Variants in CDH18 observed in about 807,000 individuals in gnomAD.
CDH18 encodes the protein cadherin 18, also known as cadherin-18.
CDH18 carries 31 observed loss-of-function variants against 67.9 expected under a neutral mutation model. That is an observed-to-expected ratio of 0.46 (90% CI 0.34 to 0.62). CDH18 has a LOEUF of 0.62. CDH18 is among the 20% of genes least tolerant of loss of function. The pLI is 0.01. For synonymous variants in CDH18, 362 were observed against 347.2 expected, an observed-to-expected ratio of 1.04 and a Z score of -0.48; for missense variants, 890 against 975.5, an observed-to-expected ratio of 0.91 and a Z score of 1.17.
At chr5:20,532,963 G>A (rs1337018720) in intron 1 of CDH18, among the ~76,000 whole-genome samples, 11 of 150,966 alleles carry the variant, frequency 7.3e-5, no homozygotes, top group Non-Finnish European at 1.5e-4. Context: ...CAACTCCTAT[G>A]CTGAAGTCCT....
chr5:20,007,682 TG>T, intron 2 of CDH18, among the ~76,000 whole-genome samples: 1 of 129,438 alleles, frequency 7.7e-6, no homozygotes, highest in African/African-American at 3.5e-5. Flanking sequence ...AGTGTGTGTG[TG>T]TGTGTGTGTG....
intron 2 of CDH18, among the ~76,000 whole-genome samples, chr5:20,148,639 A>T (rs1750857693): frequency 6.6e-6 from 1 of 152,054 alleles, no homozygotes. Flanking sequence ...AGCTTAAAGA[A>T]CTGAGTTTCT....
At chr5:19,946,169 T>TA (rs780617368) in intron 2 of CDH18, among the ~76,000 whole-genome samples, 1 of 152,110 alleles carries the variant, frequency 6.6e-6, no homozygotes. Context: ...ATATCTAATC[T>TA]AAAGCCATCG....
At chr5:19,982,317 C>A (rs563270034) in intron 1 of CDH18, among the ~76,000 whole-genome samples, 1 of 152,114 alleles carries the variant, frequency 6.6e-6, no homozygotes, top group East Asian at 1.9e-4. Context: ...AATTATATCA[C>A]ATTAGTAAAA....
intron 8 of CDH18, among the ~76,000 whole-genome samples, chr5:19,548,122 C>A (rs1736660145): frequency 6.6e-6 from 1 of 151,742 alleles, no homozygotes; most frequent in Non-Finnish European, 1.5e-5. Context: ...GTTTCATAAG[C>A]CCTAAGTAAA....
chr5:20,057,812 T>C (rs1742123995), intron 2 of CDH18, among the ~76,000 whole-genome samples: 1 of 152,124 alleles, frequency 6.6e-6, no homozygotes, highest in Non-Finnish European at 1.5e-5. Flanking sequence ...CTTTAAATAA[T>C]AAATAAAGAC....
intron 2 of CDH18, among the ~76,000 whole-genome samples, chr5:20,032,532 T>A (rs189928502): frequency 1.6e-3 from 243 of 152,210 alleles, no homozygotes; most frequent in African/African-American, 5.6e-3. Flanking sequence ...TACTTTGTTG[T>A]GTGAATCTCG....
At chr5:19,601,832 G>C (rs1010179780) in intron 6 of CDH18, among the ~76,000 whole-genome samples, 5 of 150,818 alleles carry the variant, frequency 3.3e-5, no homozygotes, top group Admixed American at 3.3e-4. Flanking sequence ...TCCATTAACA[G>C]AATAAAGAAA....
At position 19,838,852 on chromosome 5, in the gene CDH18, G is replaced by A. The variant is rs766419800; in HGVS notation, c.135C>T (p.Thr45=). The A allele has an allele frequency of 6.7e-5, 108 of 1,613,880 alleles. 2 individuals carry two copies. The South Asian group carries it at 9.6e-4, about 14-fold the overall frequency. The change falls in exon 3 of 13, where the codon ACC becomes ACT. Residue 45 remains threonine (T), a synonymous_variant. Coordinates refer to ENST00000382275, the MANE Select transcript of CDH18 (RefSeq NM_004934.5). Reference sequence around the variant, plus strand: ...CCCTTTTGGGACGATGATGGACTTCGGTTTCACCTTCAATGTGTTTGGTTT... The same window carrying A: ...CCCTTTTGGGACGATGATGGACTTCAGTTTCACCTTCAATGTGTTTGGTTT... The part of the protein sequence containing the change: ...RNQTKHIEGE[T]EVHHRPKRGW...
intron 2 of CDH18, among the ~76,000 whole-genome samples, chr5:19,897,428 T>C (rs1414979737): frequency 6.6e-6 from 1 of 152,124 alleles, no homozygotes; most frequent in East Asian, 1.9e-4. Context: ...CATAATACTA[T>C]ACATTAGTCA....
At chr5:19,772,282 T>C (rs1344840278) in intron 3 of CDH18, among the ~76,000 whole-genome samples, 1 of 152,152 alleles carries the variant, frequency 6.6e-6, no homozygotes, top group Non-Finnish European at 1.5e-5. Flanking sequence ...TAGGCTTTGC[T>C]GATGTGAGTA....
In CDH18 at chr5:20,042,449, T is replaced by C. The variant is rs76969131; in HGVS notation, c.-517-50435A>G. On this transcript the variant is annotated intron_variant, in intron 2 of 14. Coordinates refer to the CDH18 transcript ENST00000507958. ...GCAACAATCCTGGAAAAAGACATAC[T>C]TCAAATCATATAAAATACATTTCTG... 3.0e-4 allele frequency among the ~76,000 whole-genome samples: 46 copies of C among 152,314 alleles called. 1 individual carries two copies. In the East Asian group the frequency reaches 8.9e-3, roughly 29 times the overall value.
intron 1 of CDH18, among the ~76,000 whole-genome samples, chr5:20,292,607 G>C (rs1200843896): frequency 2.6e-5 from 4 of 152,170 alleles, no homozygotes; most frequent in African/African-American, 7.2e-5. Flanking sequence ...CTGGAGGCCA[G>C]AGTCTGATTT....
At chr5:19,671,598 T>G (rs1364438969) in intron 5 of CDH18, among the ~76,000 whole-genome samples, 1 of 152,116 alleles carries the variant, frequency 6.6e-6, no homozygotes, top group Non-Finnish European at 1.5e-5. Context: ...GTTACATCAT[T>G]TTGACATGGG....
intron 1 of CDH18, among the ~76,000 whole-genome samples, chr5:20,361,775 A>G (rs1742108169): frequency 6.6e-6 from 1 of 152,142 alleles, no homozygotes; most frequent in Non-Finnish European, 1.5e-5. Flanking sequence ...TCATCTAACA[A>G]CATTTACACA....
chr5:19,519,554 C>A (rs1452487248), intron 10 of CDH18, among the ~76,000 whole-genome samples: 1 of 152,168 alleles, frequency 6.6e-6, no homozygotes, highest in Non-Finnish European at 1.5e-5. Context: ...GGAATGCACG[C>A]CTTCCTGTAA....
At chr5:19,827,126 G>A (rs937873250) in intron 3 of CDH18, among the ~76,000 whole-genome samples, 1 of 151,890 alleles carries the variant, frequency 6.6e-6, no homozygotes, top group Non-Finnish European at 1.5e-5. Flanking sequence ...AACAAAAAAG[G>A]CAAAAAGAAA....
At chr5:19,679,960 C>T (rs758850454) in intron 5 of CDH18, among the ~76,000 whole-genome samples, 4 of 151,732 alleles carry the variant, frequency 2.6e-5, no homozygotes, top group African/African-American at 4.8e-5. Context: ...TCATATGGAG[C>T]CAAAAAAGCC....
chr5:19,809,980 A>G (rs894230250), intron 3 of CDH18, among the ~76,000 whole-genome samples: 5 of 152,124 alleles, frequency 3.3e-5, no homozygotes, highest in Non-Finnish European at 5.9e-5. Flanking sequence ...AAAATAGAAA[A>G]CTTGAAAAAG....
Sources: gnomAD v4.1 joint callset for allele counts (sites outside exome capture counted in the v4.1 genomes callset) on GRCh38, gnomAD v4.1.1 for gene constraint, MANE v1.5 for transcripts, NCBI Gene and HGNC (gene_info 2026-07-23, HGNC 2026-07-21) for gene names.